CDH2: variants seen among roughly 807,000 people sequenced by gnomAD.
CDH2 encodes the protein cadherin-2.
Under a neutral mutation model 92.0 loss-of-function variants are expected in CDH2, and 17 were observed. That is an observed-to-expected ratio of 0.18 (90% CI 0.13 to 0.28). The LOEUF is 0.28. Among genes scored for constraint, CDH2 ranks in the 10% least tolerant of loss-of-function variants. The pLI is 1.00. For synonymous variants in CDH2, 419 were observed against 415.9 expected (o/e 1.01, Z -0.09); for missense variants, 862 against 1,133.1 (o/e 0.76, Z 3.44).
At chr18:28,069,977 G>C (rs975893008) in intron 2 of CDH2, among the ~76,000 whole-genome samples, 10 of 152,132 alleles carry the variant, frequency 6.6e-5, no homozygotes, top group African/African-American at 2.2e-4. Flanking sequence ...AAGGCCTCCA[G>C]TGTATCGACC....
Position 28,075,575 on chromosome 18 carries a change from G to T in CDH2, c.173-61666C>A, listed in dbSNP as rs2144177780. ...TCCTCATCAGGCTACAGTGAGAAGG[G>T]TCATCTAATTTTCCAAGCGATGCAC... On this transcript the variant is annotated intron_variant, in intron 2 of 15. Coordinates refer to ENST00000269141, the MANE Select transcript of CDH2 (RefSeq NM_001792.5). Among the ~76,000 whole-genome samples the T allele has an allele frequency of 1.3e-5, 2 of 152,282 alleles. 1 individual carries two copies. Among genetic ancestry groups the T allele is most frequent in the East Asian group, 3.9e-4 (2 of 5,178 alleles).
chr18:28,110,210 G>A (rs950354825), intron 2 of CDH2, among the ~76,000 whole-genome samples: 5 of 152,152 alleles, frequency 3.3e-5, no homozygotes, highest in South Asian at 2.1e-4. Context: ...GCATTATCCC[G>A]TAGTTAATTC....
At chr18:28,135,525 C>T (rs1223776578) in intron 2 of CDH2, among the ~76,000 whole-genome samples, 1 of 152,084 alleles carries the variant, frequency 6.6e-6, no homozygotes, top group African/African-American at 2.4e-5. Context: ...AGTGAAAATA[C>T]CATACCTTAG....
chr18:28,006,644 T>G (rs1344862447), intron 5 of CDH2, among the ~76,000 whole-genome samples: 1 of 149,870 alleles, frequency 6.7e-6, no homozygotes, highest in Non-Finnish European at 1.5e-5. Flanking sequence ...GAGAATCACT[T>G]GAACCCGAGG....
intron 1 of CDH2, among the ~76,000 whole-genome samples, chr18:28,160,037 T>C (rs1328962133): frequency 6.6e-6 from 1 of 152,118 alleles, no homozygotes; most frequent in African/African-American, 2.4e-5. Context: ...AGGTGGCTTT[T>C]AACATCAAAA....
chr18:28,029,770 G>A (rs1279248612), intron 2 of CDH2, among the ~76,000 whole-genome samples: 1 of 151,994 alleles, frequency 6.6e-6, no homozygotes, highest in Non-Finnish European at 1.5e-5. Flanking sequence ...GCTGCTCTAG[G>A]GTTCTGCCTA....
At chr18:28,155,653 T>C (rs1479231203) in intron 1 of CDH2, among the ~76,000 whole-genome samples, 3 of 152,198 alleles carry the variant, frequency 2.0e-5, no homozygotes, top group African/African-American at 7.2e-5. Flanking sequence ...CCAAACGACA[T>C]AAGCGAACAT....
downstream of CDH2, among the ~76,000 whole-genome samples, chr18:27,947,938 T>C (rs1909317706): frequency 1.3e-5 from 2 of 150,022 alleles, no homozygotes; most frequent in South Asian, 2.1e-4. Context: ...AACTTTGATA[T>C]AAGTGTGTAT....
intron 5 of CDH2, among the ~76,000 whole-genome samples, chr18:28,009,284 A>G (rs1482519172): frequency 6.6e-6 from 1 of 152,242 alleles, no homozygotes; most frequent in Non-Finnish European, 1.5e-5. Flanking sequence ...TCTTAGCAAT[A>G]AGAAATCCCA....
At chr18:28,004,378 G>A (rs939943349) in intron 6 of CDH2, among the ~76,000 whole-genome samples, 5 of 152,134 alleles carry the variant, frequency 3.3e-5, no homozygotes, top group Non-Finnish European at 5.9e-5. Context: ...AGATCACAAC[G>A]CAGTTTAGCT....
chr18:28,074,265 C>T (rs1212181946), intron 2 of CDH2, among the ~76,000 whole-genome samples: 1 of 152,138 alleles, frequency 6.6e-6, no homozygotes, highest in Non-Finnish European at 1.5e-5. Context: ...ATAAGGAAAG[C>T]AGTGAGGAAC....
chr18:28,114,911 A>G (rs929402346), intron 2 of CDH2, among the ~76,000 whole-genome samples: 4 of 152,164 alleles, frequency 2.6e-5, no homozygotes, highest in Non-Finnish European at 5.9e-5. Flanking sequence ...ATTATAAAAA[A>G]AAGTCTTACA....
chr18:28,108,285 G>A (rs1202536739), intron 2 of CDH2, among the ~76,000 whole-genome samples: 1 of 152,114 alleles, frequency 6.6e-6, no homozygotes, highest in Non-Finnish European at 1.5e-5. Context: ...TTGCTTATTG[G>A]ATCTATAAAT....
At chr18:28,164,703 TG>T (rs2144359342) in intron 1 of CDH2, among the ~76,000 whole-genome samples, 1 of 152,114 alleles carries the variant, frequency 6.6e-6, no homozygotes, top group South Asian at 2.1e-4. Context: ...TGCACACACA[TG>T]GGTCCTTACT....
At chr18:27,987,114 T>G (rs1417279952) in intron 11 of CDH2, among the ~76,000 whole-genome samples, 1 of 152,176 alleles carries the variant, frequency 6.6e-6, no homozygotes, top group East Asian at 1.9e-4. Context: ...TCCTGGTGAA[T>G]GAGAAATCTG....
At chr18:28,166,704 T>C (rs2016390848) in intron 1 of CDH2, among the ~76,000 whole-genome samples, 1 of 152,048 alleles carries the variant, frequency 6.6e-6, no homozygotes, top group Non-Finnish European at 1.5e-5. Flanking sequence ...TATGGTAAAA[T>C]TAAATCCACA....
At chr18:28,090,165 T>C (rs2015009814) in intron 2 of CDH2, among the ~76,000 whole-genome samples, 1 of 152,228 alleles carries the variant, frequency 6.6e-6, no homozygotes, top group South Asian at 2.1e-4. Context: ...CACAGAGCTA[T>C]GTGGACCCCA....
At chr18:28,018,463 G>A (rs1005557110) in intron 2 of CDH2, among the ~76,000 whole-genome samples, 4 of 152,024 alleles carry the variant, frequency 2.6e-5, no homozygotes, top group African/African-American at 7.2e-5. Context: ...AACAAATCTG[G>A]AGGTATTACA....
At chr18:28,005,691 TTTCCC>T (rs1473903116) in intron 6 of CDH2, among the ~76,000 whole-genome samples, 153 bp downstream of exon 6, 1 of 152,178 alleles carries the variant, frequency 6.6e-6, no homozygotes, top group Admixed American at 6.5e-5. Context: ...TCAATTGGTT[TTTCCC>T]TAAGTTACCT....
Sources: gnomAD v4.1 joint callset for allele counts (sites outside exome capture counted in the v4.1 genomes callset) on GRCh38, gnomAD v4.1.1 for gene constraint, MANE v1.5 for transcripts, NCBI Gene and HGNC (gene_info 2026-07-23, HGNC 2026-07-21) for gene names.